The following SHROOM3 variants were observed in gnomAD, a reference collection of about 807,000 sequenced individuals.
SHROOM3 encodes protein Shroom3.
In SHROOM3, 47 loss-of-function variants were observed where a neutral mutation model predicts 138.6. The ratio of observed to expected loss-of-function variants is 0.34; its 90% CI spans 0.27 to 0.43. The LOEUF (loss-of-function observed/expected upper bound fraction) is 0.43, where lower values mean the gene tolerates loss of function less well. Among genes scored for constraint, SHROOM3 ranks in the 20% least tolerant of loss-of-function variants. SHROOM3 has a pLI of 1.00. For missense variants in SHROOM3, 2,491 were observed against 2,596.5 expected (o/e 0.96, Z 0.88); for synonymous variants, 1,062 against 1,063.3 (o/e 1.00, Z 0.02).
rs775690541 is a variant in SHROOM3, at chr4:76,673,552, G to T, written c.324-36604G>T. Among the ~76,000 whole-genome samples, 6 of 152,134 alleles carry T rather than the reference G, an allele frequency of 3.9e-5. No individual in the cohort carries two copies. In the East Asian group the frequency reaches 1.2e-3, roughly 29 times the overall value. On this transcript the variant is annotated intron_variant, in intron 2 of 10. Coordinates refer to ENST00000296043, the MANE Select transcript of SHROOM3 (RefSeq NM_020859.4). Reference sequence around the variant, plus strand: ...TTGCTGAGAGAAAAAAGCCAAGGGTGGAGGAGTGGGGTGGGGTTTAAATAG... The same window carrying T: ...TTGCTGAGAGAAAAAAGCCAAGGGTTGAGGAGTGGGGTGGGGTTTAAATAG...
intron 2 of SHROOM3, among the ~76,000 whole-genome samples, chr4:76,573,973 CCTT>C (rs1462397258): frequency 6.6e-6 from 1 of 152,174 alleles, no homozygotes; most frequent in Non-Finnish European, 1.5e-5. Context: ...ACTCCAGTGA[CCTT>C]CTCCTAGGGT....
rs1007560709 is a variant in SHROOM3, at chr4:76,536,350, G to A, written c.169-19259G>A. Among the ~76,000 whole-genome samples, 4 of 152,230 alleles carry A rather than the reference G, an allele frequency of 2.6e-5. No homozygotes were observed. The East Asian group carries it at 7.7e-4, about 29-fold the overall frequency. The stretch of plus-strand genomic sequence containing the variant: ...TCTAACCCTCAGCTGAGCATATAGA[G>A]GTTTCATTTTAAGGTGGTATCAAGG... On this transcript the variant is annotated intron_variant, in intron 1 of 10. Transcript: ENST00000296043.
chr4:76,712,231 A>G (rs1214700768), intron 3 of SHROOM3, among the ~76,000 whole-genome samples: 1 of 152,196 alleles, frequency 6.6e-6, no homozygotes, highest in Non-Finnish European at 1.5e-5. Context: ...AAGAGATGAG[A>G]CAGATTTGAG....
rs116748639 is a variant in SHROOM3 at position 76,492,899 on chromosome 4, C to T, written c.168+56679C>T. Among the ~76,000 whole-genome samples the T allele has an allele frequency of 5.7e-3, 871 of 152,042 alleles. 9 individuals carry two copies. Among genetic ancestry groups the T allele is most frequent in the African/African-American group, 0.02 (831 of 41,480 alleles). On this transcript the variant is annotated intron_variant, in intron 1 of 10. Transcript: ENST00000296043. ...AATCTCAACAAAATTTGGTTTTGAT[C>T]GTGGGATTCTGGGTGGAGATGCTAG...
chr4:76,686,041 T>C (rs1045660940), intron 2 of SHROOM3, among the ~76,000 whole-genome samples: 1 of 152,116 alleles, frequency 6.6e-6, no homozygotes, highest in African/African-American at 2.4e-5. Context: ...AGCGTCTTGC[T>C]CTGTTGCTCA....
intron 1 of SHROOM3, among the ~76,000 whole-genome samples, chr4:76,462,308 G>A (rs1236925737): frequency 3.3e-5 from 5 of 152,006 alleles, no homozygotes; most frequent in Admixed American, 3.3e-4. Flanking sequence ...GGAGGCAGAG[G>A]TTGGAGTGAG....
intron 1 of SHROOM3, among the ~76,000 whole-genome samples, chr4:76,498,135 A>C (rs1732008331): frequency 6.6e-6 from 1 of 152,228 alleles, no homozygotes; most frequent in Non-Finnish European, 1.5e-5. Context: ...TGTGAGACAG[A>C]AAAATCTAAT....
In SHROOM3 at chr4:76,741,230, C is replaced by T; in HGVS notation, c.3057C>T (p.Ser1019=). ...TGACTCCCGAGCAGAAGAAGCGCTC[C>T]TACTCGGAGCCCGAGAAGATGAACG... ...RRLTPEQKKR[S]YSEPEKMNEV... Residue 1019 remains serine, a synonymous_variant, in exon 5 of 11, where the codon TCC becomes TCT. Transcript: ENST00000296043. The surrounding 1 kb of genome is among the most constrained non-coding windows in gnomAD (Gnocchi z 6.2). 6.2e-7 allele frequency: 1 copy of T among 1,610,858 alleles called. No individual in the cohort carries two copies. The highest frequency in any genetic ancestry group is 2.2e-5 in the East Asian group (1 of 44,742).
At chr4:76,441,204 C>T (rs1265783815) in intron 1 of SHROOM3, among the ~76,000 whole-genome samples, 1 of 150,900 alleles carries the variant, frequency 6.6e-6, no homozygotes, top group Non-Finnish European at 1.5e-5. Flanking sequence ...ACGCCATTCT[C>T]CTGCCTCAGA....
At position 76,624,219 on chromosome 4, in the gene SHROOM3, C is replaced by T. The variant is rs1242731216; in HGVS notation, c.323+68456C>T. Among the ~76,000 whole-genome samples, 3 of 152,116 alleles carry T rather than the reference C, an allele frequency of 2.0e-5. No homozygotes were observed. The East Asian group carries it at 5.8e-4, about 30-fold the overall frequency. On this transcript the variant is annotated intron_variant, in intron 2 of 10. Transcript: ENST00000296043. Reference sequence around the variant, plus strand: ...AGGCAATTGCAGGCGTGTAGTATTCCGACATTTCAGCGTGCTGCACTCCTG... The same window carrying T: ...AGGCAATTGCAGGCGTGTAGTATTCTGACATTTCAGCGTGCTGCACTCCTG...
intron 10 of SHROOM3, among the ~76,000 whole-genome samples, chr4:76,773,140 G>A (rs999493586): frequency 6.6e-6 from 1 of 152,010 alleles, no homozygotes; most frequent in African/African-American, 2.4e-5. Flanking sequence ...ACTTTGGGAG[G>A]CCAAGGGGGG....
intron 1 of SHROOM3, among the ~76,000 whole-genome samples, chr4:76,502,372 C>T (rs1380873551): frequency 3.3e-5 from 5 of 152,110 alleles, no homozygotes; most frequent in South Asian, 2.1e-4. Context: ...CATGGGAATC[C>T]GATGGATAGC....
chr4:76,731,395 G>A (rs576401278), intron 4 of SHROOM3, among the ~76,000 whole-genome samples: 1 of 152,226 alleles, frequency 6.6e-6, no homozygotes, highest in African/African-American at 2.4e-5. Flanking sequence ...ATGTACTGAG[G>A]ACCACTCAGT....
intron 2 of SHROOM3, among the ~76,000 whole-genome samples, chr4:76,680,780 C>T (rs1394641529): frequency 5.3e-5 from 8 of 152,182 alleles, no homozygotes; most frequent in Admixed American, 4.6e-4. Flanking sequence ...ACATCATAAG[C>T]GCTGCAGCCA....
chr4:76,540,172 G>A (rs1733069892), intron 1 of SHROOM3, among the ~76,000 whole-genome samples: 1 of 152,184 alleles, frequency 6.6e-6, no homozygotes, highest in African/African-American at 2.4e-5. Flanking sequence ...TGATGGAGAT[G>A]GAAAATGTTG....
At chr4:76,574,743 G>A (rs558301379) in intron 2 of SHROOM3, among the ~76,000 whole-genome samples, 3 of 152,260 alleles carry the variant, frequency 2.0e-5, no homozygotes, top group African/African-American at 7.2e-5. Context: ...TACTGTAAAT[G>A]ATTCCACTTG....
intron 2 of SHROOM3, among the ~76,000 whole-genome samples, chr4:76,607,026 ATGTG>A (rs1003694689): frequency 6.6e-6 from 1 of 151,526 alleles, no homozygotes. Flanking sequence ...ATTTATATGT[ATGTG>A]TGTGTGTGTG....
At chr4:76,772,591 C>G (rs1722400053) in intron 10 of SHROOM3, among the ~76,000 whole-genome samples, 1 of 152,208 alleles carries the variant, frequency 6.6e-6, no homozygotes, top group African/African-American at 2.4e-5. Flanking sequence ...TCAGCATCTT[C>G]CTCGTGTAAA....
intron 1 of SHROOM3, among the ~76,000 whole-genome samples, chr4:76,507,563 G>A (rs1407899994): frequency 1.4e-5 from 2 of 146,108 alleles, no homozygotes; most frequent in East Asian, 2.0e-4. Flanking sequence ...TTGAGATGGA[G>A]TCTCGCTCTG....
Sources: gnomAD v4.1 joint callset for allele counts (sites outside exome capture counted in the v4.1 genomes callset) on GRCh38, gnomAD v4.1.1 for gene constraint, Gnocchi (gnomAD v3.1) non-coding constraint, MANE v1.5 for transcripts, NCBI Gene and HGNC (gene_info 2026-07-23, HGNC 2026-07-21) for gene names.